Variants in COTL1 observed in about 807,000 individuals in gnomAD.
COTL1 encodes coactosin-like protein.
COTL1 carries 15 observed loss-of-function variants against 16.5 expected under a neutral mutation model. That is an observed-to-expected ratio of 0.91 (90% confidence interval 0.61 to 1.40). The LOEUF (loss-of-function observed/expected upper bound fraction) is 1.40, where lower values mean the gene tolerates loss of function less well. COTL1 is among the 40% of genes most tolerant of loss of function. The pLI, the probability that COTL1 is intolerant of heterozygous loss-of-function variation, is 0.00. For synonymous variants in COTL1, 112 were observed against 85.3 expected (o/e 1.31, Z -1.73); for missense variants, 220 against 201.5 (o/e 1.09, Z -0.56).
chr16:84,611,677 T>C (rs1444560133), intron 2 of COTL1, among the ~76,000 whole-genome samples: 1 of 152,204 alleles, frequency 6.6e-6, no homozygotes, highest in Non-Finnish European at 1.5e-5. Context: ...AATGAAGGAA[T>C]AAACACAGGA....
chr16:84,591,621 G>C (rs1385537775), intron 2 of COTL1, among the ~76,000 whole-genome samples: 49 of 106,480 alleles, frequency 4.6e-4, no homozygotes, highest in African/African-American at 1.6e-3. Flanking sequence ...GCAACATGGA[G>C]AAATCACCTC....
intron 3 of COTL1, among the ~76,000 whole-genome samples, chr16:84,579,830 G>A (rs1236672799): frequency 6.6e-6 from 1 of 152,220 alleles, no homozygotes; most frequent in African/African-American, 2.4e-5. Context: ...AAGAGGGGGA[G>A]GAAAGACACT....
intron 2 of COTL1, among the ~76,000 whole-genome samples, chr16:84,608,776 G>C (rs765307105): frequency 3.5e-4 from 54 of 152,286 alleles, no homozygotes; most frequent in Non-Finnish European, 7.4e-4. Flanking sequence ...CGTGGTAGCA[G>C]GCGCCTGTAG....
chr16:84,613,006 C>CTT lies in COTL1; in HGVS notation c.160+4493_160+4494dup, dbSNP rs71151230. On this transcript the variant is annotated intron_variant, in intron 2 of 3. Coordinates refer to ENST00000262428, the MANE Select transcript of COTL1 (RefSeq NM_021149.5). ...TGACTCTTTCTTTCTTTCTTTCTTT[C>CTT]TTTTTTTTTTTTGAGATAGAGTCTC... 2.0e-3 allele frequency among the ~76,000 whole-genome samples: 279 copies of CTT among 137,248 alleles called. 1 individual carries two copies. Among genetic ancestry groups the CTT allele is most frequent in the African/African-American group, 5.6e-3 (204 of 36,462 alleles). 90.0% of individuals were successfully genotyped at this position (137,248 alleles called of 152,430 possible).
At chr16:84,601,975 G>A (rs1390676901) in intron 2 of COTL1, among the ~76,000 whole-genome samples, 2 of 152,118 alleles carry the variant, frequency 1.3e-5, no homozygotes, top group Non-Finnish European at 2.9e-5. Context: ...ATAACTGTGT[G>A]CAAACTAAGA....
intron 3 of COTL1, among the ~76,000 whole-genome samples, chr16:84,587,618 T>C (rs1904762500): frequency 6.6e-6 from 1 of 151,566 alleles, no homozygotes. Flanking sequence ...ACATTAACCT[T>C]AAAAAAAGCA....
intron 2 of COTL1, among the ~76,000 whole-genome samples, chr16:84,591,637 A>T (rs1453797151): frequency 3.2e-5 from 1 of 31,552 alleles, no homozygotes; most frequent in East Asian, 2.3e-3. Context: ...ACCTCTCTAA[A>T]AAAAAAAAAA....
In COTL1 at chr16:84,612,848, G is replaced by A. The variant is rs868403136; in HGVS notation, c.160+4653C>T. Among the ~76,000 whole-genome samples the A allele has an allele frequency of 2.0e-5, 3 of 152,234 alleles. 1 individual carries two copies. In the South Asian group the frequency reaches 6.2e-4, roughly 32 times the overall value. On this transcript the variant is annotated intron_variant, in intron 2 of 3. Transcript: ENST00000262428. ...TGCATTACTTCAGTGAACCCTCCCA[G>A]TCACCCTCAGAGGTAGGCATGTCAG...
At chr16:84,582,918 A>G (rs548687623) in intron 3 of COTL1, among the ~76,000 whole-genome samples, 2 of 152,226 alleles carry the variant, frequency 1.3e-5, no homozygotes, top group Non-Finnish European at 2.9e-5. Flanking sequence ...ACACAGCAGC[A>G]CTTTTTTAAA....
intron 2 of COTL1, among the ~76,000 whole-genome samples, chr16:84,613,395 G>C (rs965323084): frequency 6.6e-6 from 1 of 152,178 alleles, no homozygotes; most frequent in African/African-American, 2.4e-5. Flanking sequence ...GAGTTGAGAT[G>C]GGGAAGAGGA....
intron 2 of COTL1, among the ~76,000 whole-genome samples, chr16:84,605,252 G>A (rs1322137727): frequency 2.0e-5 from 3 of 152,210 alleles, no homozygotes; most frequent in Non-Finnish European, 4.4e-5. Flanking sequence ...TGCAGGGGGT[G>A]TCAGGAGTGG....
rs1460187236 is a variant in COTL1 at position 84,583,267 on chromosome 16, GT to G, written c.318+6837del. Among the ~76,000 whole-genome samples the G allele has an allele frequency of 7.9e-5, 12 of 152,266 alleles. No individual in the cohort carries two copies. The South Asian group carries it at 2.3e-3, about 29-fold the overall frequency. On this transcript the variant is annotated intron_variant, in intron 3 of 3. Coordinates refer to ENST00000262428, the MANE Select transcript of COTL1 (RefSeq NM_021149.5). ...CAGGGCAAGTGGCAGACCTGGCCTC[GT>G]GAAGGACAAATGATTTAATACACGG...
intron 3 of COTL1, among the ~76,000 whole-genome samples, chr16:84,574,282 C>T (rs1246340677): frequency 1.3e-5 from 2 of 152,230 alleles, no homozygotes; most frequent in East Asian, 3.9e-4. Context: ...ACTTTCTCCC[C>T]ACATCCCGCC....
rs1309919725 is a variant in COTL1 at position 84,566,172 on chromosome 16, AG to A, written c.*672del. 6.5e-6 allele frequency: 1 copy of A among 152,742 alleles called. No individual in the cohort carries two copies. The highest frequency in any genetic ancestry group is 1.9e-4 in the East Asian group (1 of 5,200). The allele number at this position is 152,742 out of a possible 1,614,324, so 9.5% of individuals were successfully genotyped here. A position where few individuals can be genotyped will look rare whatever the true frequency, so the allele number is the denominator to read the frequency against. ...CAAAGCCACTGCCAGGTAAGTTTTA[AG>A]GCAAATTTTATCTCTTCTTATTCAG... On this transcript the variant is annotated 3_prime_UTR_variant, in exon 4 of 4. Transcript: ENST00000262428.
intron 2 of COTL1, among the ~76,000 whole-genome samples, chr16:84,610,371 G>C (rs951111420): frequency 1.3e-5 from 2 of 152,190 alleles, no homozygotes; most frequent in Non-Finnish European, 2.9e-5. Context: ...GAGTTTTCTG[G>C]CACGTCACCT....
intron 3 of COTL1, among the ~76,000 whole-genome samples, chr16:84,587,946 AT>A (rs1904773988): frequency 6.6e-6 from 1 of 151,972 alleles, no homozygotes; most frequent in Non-Finnish European, 1.5e-5. Flanking sequence ...TAATTTCTGT[AT>A]TTTTAGCAGA....
chr16:84,610,419 T>A lies in COTL1; in HGVS notation c.160+7082A>T, dbSNP rs35241774. 3.9e-5 allele frequency among the ~76,000 whole-genome samples: 6 copies of A among 152,080 alleles called. No individual in the cohort carries two copies. The East Asian group carries it at 1.2e-3, about 29-fold the overall frequency. On this transcript the variant is annotated intron_variant, in intron 2 of 3. Transcript: ENST00000262428. Reference sequence around the variant, plus strand: ...ACCACCAGGCTCTGTTCCTGAGTTCTCAGACAGGTACTCTCTATAAATGGT... The same window carrying A: ...ACCACCAGGCTCTGTTCCTGAGTTCACAGACAGGTACTCTCTATAAATGGT...
intron 3 of COTL1, among the ~76,000 whole-genome samples, chr16:84,572,799 C>G (rs1225788072): frequency 6.6e-6 from 1 of 152,106 alleles, no homozygotes; most frequent in African/African-American, 2.4e-5. Flanking sequence ...CGCTGCCAGG[C>G]TGGAGGGCAC....
chr16:84,579,624 G>A (rs1025029300), intron 3 of COTL1, among the ~76,000 whole-genome samples: 8 of 152,254 alleles, frequency 5.3e-5, no homozygotes, highest in African/African-American at 1.9e-4. Flanking sequence ...GTGGGGGGTA[G>A]TGGCTGATCA....
Sources: allele counts gnomAD v4.1 joint callset (sites outside exome capture counted in the v4.1 genomes callset), GRCh38; gene constraint gnomAD v4.1.1; transcripts MANE v1.5; gene names NCBI Gene and HGNC (gene_info 2026-07-23, HGNC 2026-07-21).